Variants in HSD17B4 observed in about 807,000 individuals in gnomAD.
HSD17B4 encodes peroxisomal multifunctional enzyme type 2.
HSD17B4 carries 70 observed loss-of-function variants against 101.0 expected under a neutral mutation model. The ratio of observed to expected loss-of-function variants is 0.69; its 90% CI spans 0.57 to 0.85. The LOEUF (loss-of-function observed/expected upper bound fraction) is 0.85, where lower values mean the gene tolerates loss of function less well. Ranked by LOEUF, HSD17B4 falls within the 40% of genes least tolerant of loss-of-function variation. The pLI is 0.00. For synonymous variants in HSD17B4, 347 were observed against 297.1 expected, an observed-to-expected ratio of 1.17 and a Z score of -1.73; for missense variants, 984 against 892.4, an observed-to-expected ratio of 1.10 and a Z score of -1.31.
At chr5:119,494,300 TTC>T (rs536586269) in intron 11 of HSD17B4, among the ~76,000 whole-genome samples, 41 of 151,936 alleles carry the variant, frequency 2.7e-4, no homozygotes, top group Non-Finnish European at 5.4e-4. Context: ...TACCATATTT[TTC>T]TCTTTCTTCC....
intron 16 of HSD17B4, among the ~76,000 whole-genome samples, chr5:119,513,902 AG>A (rs1273080525): frequency 1.4e-4 from 21 of 152,290 alleles, no homozygotes; most frequent in Non-Finnish European, 1.0e-4. Context: ...GTGGAATAAA[AG>A]GTACTCAGAA....
chr5:119,518,249 T>C (rs1054619326), intron 17 of HSD17B4, among the ~76,000 whole-genome samples: 4 of 151,876 alleles, frequency 2.6e-5, no homozygotes, highest in African/African-American at 9.7e-5. Context: ...ACTCCAGACG[T>C]GCTGCCTTAA....
intron 2 of HSD17B4, among the ~76,000 whole-genome samples, chr5:119,458,384 C>T (rs1234293432): frequency 1.3e-5 from 2 of 150,954 alleles, no homozygotes; most frequent in African/African-American, 4.9e-5. Context: ...TGCTCTGTTG[C>T]CCAGGCTGGA....
intron 16 of HSD17B4, among the ~76,000 whole-genome samples, chr5:119,511,645 A>C (rs1752179076): frequency 1.3e-5 from 2 of 152,214 alleles, no homozygotes; most frequent in Admixed American, 1.3e-4. Context: ...GTGTCATCGT[A>C]GGGTGACTGC....
rs1261396748 is a variant in HSD17B4 at position 119,536,800 on chromosome 5, G to T, written c.2121+250G>T. ...TATATTCTGTTATGTGTTCAAAGGT[G>T]AAAAACCATATGACATTAGTAGGTA... On this transcript the variant is annotated intron_variant, in intron 23 of 23. Coordinates refer to ENST00000510025, the MANE Select transcript of HSD17B4 (RefSeq NM_000414.4). Among the ~76,000 whole-genome samples the T allele has an allele frequency of 5.9e-5, 9 of 152,048 alleles. No homozygotes were observed. In the East Asian group the frequency reaches 1.7e-3, roughly 29 times the overall value.
rs565765389 is a variant in HSD17B4 at position 119,452,751 on chromosome 5, G to A, written c.58+118G>A. On this transcript the variant is annotated intron_variant, in intron 1 of 23. Transcript: ENST00000510025. ...TCACCCCGCTGAGGTGGTGGGGAGGGGAATGGTTATTCTTGAGGCACCGCA... is the reference window on the plus strand; with the variant it reads ...TCACCCCGCTGAGGTGGTGGGGAGGAGAATGGTTATTCTTGAGGCACCGCA... 130 of 1,589,270 alleles carry A rather than the reference G, an allele frequency of 8.2e-5. 1 individual carries two copies. The East Asian group carries it at 2.8e-3, about 34-fold the overall frequency.
At chr5:119,515,318 T>G (rs888429020) in intron 17 of HSD17B4, among the ~76,000 whole-genome samples, 5 of 152,054 alleles carry the variant, frequency 3.3e-5, no homozygotes, top group Admixed American at 1.3e-4. Flanking sequence ...GGTAATGGAG[T>G]GCTTTCTTTG....
intron 17 of HSD17B4, among the ~76,000 whole-genome samples, chr5:119,517,885 A>G (rs542661044): frequency 6.6e-5 from 10 of 151,540 alleles, no homozygotes; most frequent in African/African-American, 2.2e-4. Flanking sequence ...GTATTTAGCT[A>G]CTCTGGTGGG....
intron 2 of HSD17B4, among the ~76,000 whole-genome samples, chr5:119,459,131 T>C (rs1754962818): frequency 6.6e-6 from 1 of 152,226 alleles, no homozygotes; most frequent in African/African-American, 2.4e-5. Flanking sequence ...GGCCTGATGC[T>C]AGAGCCATTG....
At chr5:119,479,616 G>A (rs973811160) in intron 8 of HSD17B4, among the ~76,000 whole-genome samples, 24 of 152,230 alleles carry the variant, frequency 1.6e-4, no homozygotes, top group African/African-American at 5.8e-4. Context: ...AAAATCCCCT[G>A]TGCTTCACCT....
At chr5:119,470,023 A>G (rs1240927935) in intron 2 of HSD17B4, among the ~76,000 whole-genome samples, 1 of 152,062 alleles carries the variant, frequency 6.6e-6, no homozygotes. Context: ...TGGTGGTGTC[A>G]GTTGTCTTGG....
intron 12 of HSD17B4, among the ~76,000 whole-genome samples, chr5:119,497,191 A>G (rs1004781927): frequency 1.7e-5 from 2 of 115,244 alleles, no homozygotes; most frequent in African/African-American, 6.6e-5. Flanking sequence ...CTTGCATATA[A>G]TTTTTGGTAG....
At chr5:119,537,250 A>T (rs778997304) in intron 23 of HSD17B4, among the ~76,000 whole-genome samples, 3 of 152,156 alleles carry the variant, frequency 2.0e-5, no homozygotes, top group Non-Finnish European at 4.4e-5. Context: ...CTGTATAGAA[A>T]GACTAAAAGG....
chr5:119,517,492 C>T lies in HSD17B4; in HGVS notation c.1503+2446C>T, dbSNP rs115666346. 7.2e-3 allele frequency among the ~76,000 whole-genome samples: 1,098 copies of T among 152,330 alleles called. 14 individuals are homozygous for T. Among genetic ancestry groups the T allele is most frequent in the African/African-American group, 0.025 (1,048 of 41,570 alleles). ...CCACCCAAGGGCTGAGGAGTGCGAGCGTACCGCGCGGGACTGGCAGGCAGC... is the reference window on the plus strand; with the variant it reads ...CCACCCAAGGGCTGAGGAGTGCGAGTGTACCGCGCGGGACTGGCAGGCAGC... On this transcript the variant is annotated intron_variant, in intron 17 of 23. Coordinates refer to ENST00000510025, the MANE Select transcript of HSD17B4 (RefSeq NM_000414.4).
chr5:119,498,034 G>A (rs1412527859), intron 12 of HSD17B4, among the ~76,000 whole-genome samples: 1 of 152,126 alleles, frequency 6.6e-6, no homozygotes, highest in Non-Finnish European at 1.5e-5. Context: ...TTCCCATTGA[G>A]TCAGAAATTC....
chr5:119,470,223 A>G (rs1756227566), intron 2 of HSD17B4, among the ~76,000 whole-genome samples: 1 of 151,460 alleles, frequency 6.6e-6, no homozygotes, highest in African/African-American at 2.4e-5. Flanking sequence ...AGGGTGCTGC[A>G]TGGACTCAGG....
intron 23 of HSD17B4, among the ~76,000 whole-genome samples, chr5:119,538,393 C>G (rs891858453): frequency 2.0e-5 from 3 of 152,296 alleles, no homozygotes; most frequent in Middle Eastern, 3.4e-3. Context: ...AGTCTTGTCT[C>G]TCCCATTCAG....
intron 21 of HSD17B4, among the ~76,000 whole-genome samples, chr5:119,530,855 A>AC (rs1380768758): frequency 2.0e-5 from 3 of 146,574 alleles, no homozygotes; most frequent in Middle Eastern, 3.4e-3. Flanking sequence ...CAAAAAAAAA[A>AC]AAAAAAAACA....
chr5:119,511,883 A>G (rs1189657321), intron 16 of HSD17B4, among the ~76,000 whole-genome samples: 3 of 152,278 alleles, frequency 2.0e-5, no homozygotes, highest in African/African-American at 7.2e-5. Flanking sequence ...AGTGTGATGC[A>G]TAGACGGAAG....
Sources: allele counts gnomAD v4.1 joint callset (sites outside exome capture counted in the v4.1 genomes callset), GRCh38; gene constraint gnomAD v4.1.1; transcripts MANE v1.5; gene names NCBI Gene and HGNC (gene_info 2026-07-23, HGNC 2026-07-21).